The following COP1 variants were observed in gnomAD, a reference collection of about 807,000 sequenced individuals.
COP1 encodes the protein E3 ubiquitin-protein ligase COP1.
A neutral mutation model predicts 101.3 loss-of-function variants in COP1; 24 were observed. That is an observed-to-expected ratio of 0.24 (90% confidence interval 0.17 to 0.33). The LOEUF is 0.33. COP1 is among the 10% of genes least tolerant of loss of function. COP1 has a pLI of 1.00. For missense variants in COP1, 663 were observed against 906.2 expected (o/e 0.73, Z 3.45); for synonymous variants, 347 against 341.9 (o/e 1.01, Z -0.17).
chr1:176,067,379 C>T (rs1383218865), intron 11 of COP1, among the ~76,000 whole-genome samples: 2 of 152,100 alleles, frequency 1.3e-5, no homozygotes, highest in African/African-American at 4.8e-5. Context: ...ACCGCGCCCC[C>T]ATCCTGCACC....
At chr1:176,045,930 TTTGA>T (rs1671446290) in intron 12 of COP1, among the ~76,000 whole-genome samples, 1 of 151,592 alleles carries the variant, frequency 6.6e-6, no homozygotes, top group Non-Finnish European at 1.5e-5. Flanking sequence ...AAGACCTTTA[TTTGA>T]TTAAGTGAAA....
intron 14 of COP1, among the ~76,000 whole-genome samples, chr1:176,034,727 A>G (rs1176688592): frequency 6.6e-6 from 1 of 152,252 alleles, no homozygotes; most frequent in Non-Finnish European, 1.5e-5. Flanking sequence ...CACAAAGCAG[A>G]GCAGCAAATG....
chr1:176,123,369 T>A (rs1207014001), intron 8 of COP1, among the ~76,000 whole-genome samples: 13 of 152,188 alleles, frequency 8.5e-5, no homozygotes, highest in Admixed American at 8.5e-4. Flanking sequence ...GTTGTCCTTA[T>A]ACCTAAGCAA....
intron 18 of COP1, among the ~76,000 whole-genome samples, chr1:175,965,585 T>TTTGTTTTTG (rs1553277491): frequency 6.7e-6 from 1 of 149,300 alleles, no homozygotes; most frequent in Non-Finnish European, 1.5e-5. Flanking sequence ...TTTGTTTTGT[T>TTTGTTTTTG]TTTGTTTGTT....
rs1163728428 is a variant in COP1, at chr1:176,189,284, TTC to T, written c.408-4594_408-4593del. ...CTTTTATTATTGTTACTGCATTTAT[TTC>T]TTTCAGTCCATTTTGAAACATTAGA... is the stretch of plus-strand genomic sequence containing the variant. On this transcript the variant is annotated intron_variant, in intron 1 of 19. Transcript: ENST00000367669. Among the ~76,000 whole-genome samples, 5 of 152,276 alleles carry T rather than the reference TTC, an allele frequency of 3.3e-5. No individual in the cohort carries two copies. In the East Asian group the frequency reaches 9.7e-4, roughly 29 times the overall value.
chr1:175,989,488 A>G lies in COP1; in HGVS notation c.1730-9T>C. Reference sequence around the variant, plus strand: ...GTAGTGGACACAGTGATCTAAAACAAAACAAAATTAGATAAATGTAGTAAA... The same window carrying G: ...GTAGTGGACACAGTGATCTAAAACAGAACAAAATTAGATAAATGTAGTAAA... On this transcript the variant is annotated splice_polypyrimidine_tract_variant and intron_variant, in intron 15 of 19. Transcript: ENST00000367669. The G allele has an allele frequency of 7.3e-7, 1 of 1,377,436 alleles. No homozygotes were observed. Among genetic ancestry groups the G allele is most frequent in the Middle Eastern group, 1.8e-4 (1 of 5,604 alleles). 85.3% of individuals were successfully genotyped at this position (1,377,436 alleles called of 1,614,324 possible). A position where few individuals can be genotyped will look rare whatever the true frequency, so the allele number is the denominator to read the frequency against.
At chr1:175,966,316 A>ACAC in intron 18 of COP1, among the ~76,000 whole-genome samples, 1 of 143,576 alleles carries the variant, frequency 7.0e-6, no homozygotes, top group African/African-American at 2.8e-5. Context: ...CACACACACA[A>ACAC]ACACTTAAAA....
intron 14 of COP1, among the ~76,000 whole-genome samples, chr1:176,028,082 G>A (rs979590892): frequency 2.0e-5 from 3 of 151,932 alleles, no homozygotes; most frequent in African/African-American, 7.3e-5. Flanking sequence ...TCATTACCAC[G>A]AGAACAGTAT....
Position 176,044,709 on chromosome 1 carries a change from C to T in COP1, c.1422-891G>A, listed in dbSNP as rs1040013190. ...AGCTGTGGCTCTGGCTAATTTAGTA[C>T]ACTTTCACAGTAGATGTGCTCCGAA... On this transcript the variant is annotated intron_variant, in intron 12 of 19. Transcript: ENST00000367669. 1.7e-3 allele frequency among the ~76,000 whole-genome samples: 263 copies of T among 152,264 alleles called. 1 individual carries two copies. Among genetic ancestry groups the T allele is most frequent in the Non-Finnish European group, 8.5e-4 (58 of 68,026 alleles).
At chr1:176,186,944 A>T (rs1698524146) in intron 1 of COP1, among the ~76,000 whole-genome samples, 1 of 152,194 alleles carries the variant, frequency 6.6e-6, no homozygotes, top group Non-Finnish European at 1.5e-5. Context: ...CCTCGCACAC[A>T]GCTCCATCAT....
At chr1:175,996,116 C>G (rs568917347) in intron 15 of COP1, among the ~76,000 whole-genome samples, 13 of 151,952 alleles carry the variant, frequency 8.6e-5, no homozygotes, top group Admixed American at 2.0e-4. Context: ...TAAATGTAAT[C>G]CAGCATATAA....
intron 2 of COP1, among the ~76,000 whole-genome samples, chr1:176,176,272 G>A (rs961473787): frequency 6.6e-6 from 1 of 152,082 alleles, no homozygotes; most frequent in African/African-American, 2.4e-5. Context: ...TAAATTTTAA[G>A]TTTATGCAAT....
chr1:176,151,631 T>A (rs1016804432), intron 5 of COP1, among the ~76,000 whole-genome samples: 5 of 152,132 alleles, frequency 3.3e-5, no homozygotes, highest in African/African-American at 4.8e-5. Context: ...AAAGAAAAAA[T>A]TATCCTTATT....
chr1:175,976,538 A>G (rs1387297552), intron 18 of COP1, among the ~76,000 whole-genome samples: 1 of 151,986 alleles, frequency 6.6e-6, no homozygotes, highest in Non-Finnish European at 1.5e-5. Context: ...TCAGTTTCCC[A>G]AAGTGCTGGA....
At chr1:176,182,500 G>A (rs575853075) in intron 2 of COP1, among the ~76,000 whole-genome samples, 1 of 152,186 alleles carries the variant, frequency 6.6e-6, no homozygotes, top group Non-Finnish European at 1.5e-5. Flanking sequence ...CTGGGTAGGG[G>A]TCAAGTATAC....
At chr1:176,048,442 T>C (rs551569207) in intron 11 of COP1, among the ~76,000 whole-genome samples, 7 of 152,282 alleles carry the variant, frequency 4.6e-5, no homozygotes, top group African/African-American at 1.4e-4. Flanking sequence ...GCAGTAGATT[T>C]ATTTGTACAA....
At chr1:176,033,947 C>T (rs1430034632) in intron 14 of COP1, among the ~76,000 whole-genome samples, 2 of 151,986 alleles carry the variant, frequency 1.3e-5, no homozygotes, top group African/African-American at 4.8e-5. Flanking sequence ...GATCGCCAAA[C>T]AGACAAGAGT....
intron 14 of COP1, among the ~76,000 whole-genome samples, chr1:176,029,108 A>G (rs149403622): frequency 2.6e-5 from 4 of 152,258 alleles, no homozygotes; most frequent in Admixed American, 2.6e-4. Flanking sequence ...CATCATAAAT[A>G]TGAAAATGTA....
intron 1 of COP1, among the ~76,000 whole-genome samples, chr1:176,203,051 T>C (rs186099343): frequency 6.6e-6 from 1 of 152,056 alleles, no homozygotes; most frequent in East Asian, 1.9e-4. Flanking sequence ...AAAGTCAACC[T>C]TCTCGGCCGG....
Sources: gnomAD v4.1 joint callset for allele counts (sites outside exome capture counted in the v4.1 genomes callset) on GRCh38, gnomAD v4.1.1 for gene constraint, MANE v1.5 for transcripts, NCBI Gene and HGNC (gene_info 2026-07-23, HGNC 2026-07-21) for gene names.